Variants in REDIC1 observed in about 807,000 individuals in gnomAD.
The protein encoded by REDIC1 is HEI10 Interacting Protein 1.
At chr12:39,764,708 T>G in the REDIC1 span, 1 of 1,604,804 alleles carries the variant, frequency 6.2e-7, no homozygotes, top group Non-Finnish European at 8.5e-7. Context: ...ATTCAATTAA[T>G]GCAACAGTAT....
At chr12:39,898,990 C>A in the REDIC1 span, among the ~76,000 whole-genome samples, 1 of 152,108 alleles carries the variant, frequency 6.6e-6, no homozygotes, top group African/African-American at 2.4e-5. Context: ...ATGATGCTGG[C>A]CTCATAAAAT....
chr12:39,800,378 T>A, the REDIC1 span, among the ~76,000 whole-genome samples: 2 of 151,370 alleles, frequency 1.3e-5, no homozygotes, highest in Non-Finnish European at 2.9e-5. Context: ...GAATCTACAA[T>A]GAACTCAAAC....
At chr12:39,700,976 A>G in the REDIC1 span, among the ~76,000 whole-genome samples, 1 of 152,160 alleles carries the variant, frequency 6.6e-6, no homozygotes, top group Admixed American at 6.5e-5. Flanking sequence ...CAGCCACTGC[A>G]AAATCATGCC....
chr12:39,721,241 A>C, the REDIC1 span: 2 of 1,611,646 alleles, frequency 1.2e-6, no homozygotes, highest in Non-Finnish European at 1.7e-6. Flanking sequence ...GAAATCCATA[A>C]GAACAACTAA....
At chr12:39,726,876 T>C in the REDIC1 span, among the ~76,000 whole-genome samples, 11 of 152,260 alleles carry the variant, frequency 7.2e-5, no homozygotes, top group Admixed American at 1.3e-4. Context: ...CGAGATGGTA[T>C]CTCATTCTGG....
chr12:39,895,947 C>A, the REDIC1 span, among the ~76,000 whole-genome samples: 1 of 148,324 alleles, frequency 6.7e-6, no homozygotes, highest in Non-Finnish European at 1.5e-5. Context: ...TATATACATG[C>A]GTATATGTGT....
At chr12:39,770,584 A>G in the REDIC1 span, among the ~76,000 whole-genome samples, 32 of 152,284 alleles carry the variant, frequency 2.1e-4, no homozygotes, top group East Asian at 6.2e-3. Flanking sequence ...CGGGGAAAGA[A>G]CTGTATCATG....
the REDIC1 span, among the ~76,000 whole-genome samples, chr12:39,657,275 T>C: frequency 2.0e-5 from 3 of 152,242 alleles, no homozygotes; most frequent in Non-Finnish European, 4.4e-5. Flanking sequence ...GCAATTGTAC[T>C]GTAGGCAATA....
At chr12:39,828,770 G>A in the REDIC1 span, among the ~76,000 whole-genome samples, 1 of 151,584 alleles carries the variant, frequency 6.6e-6, no homozygotes, top group Non-Finnish European at 1.5e-5. Context: ...CTGTGAACAA[G>A]TACATCTAGA....
the REDIC1 span, chr12:39,716,667 T>G: frequency 1.1e-6 from 1 of 936,916 alleles, no homozygotes; most frequent in Non-Finnish European, 1.6e-6. Flanking sequence ...GCTAAATTTG[T>G]TTTACCAGCA....
the REDIC1 span, among the ~76,000 whole-genome samples, chr12:39,696,554 A>T: frequency 9.6e-5 from 12 of 125,302 alleles, no homozygotes; most frequent in Non-Finnish European, 2.0e-4. Context: ...AAAAAAAAAA[A>T]AAAAAAAAAA....
the REDIC1 span, among the ~76,000 whole-genome samples, chr12:39,768,022 T>A: frequency 6.6e-6 from 1 of 152,030 alleles, no homozygotes; most frequent in African/African-American, 2.4e-5. Context: ...GACTAATACA[T>A]CACCTTTATT....
At chr12:39,896,361 T>A in the REDIC1 span, among the ~76,000 whole-genome samples, 401 of 140,252 alleles carry the variant, frequency 2.9e-3, 6 homozygotes, top group Non-Finnish European at 5.0e-3. Flanking sequence ...TGTATATGTG[T>A]ATATATGTAT....
the REDIC1 span, among the ~76,000 whole-genome samples, chr12:39,906,307 C>T: frequency 6.6e-6 from 1 of 152,108 alleles, no homozygotes; most frequent in South Asian, 2.1e-4. Flanking sequence ...AATAACTAGA[C>T]AAGCTTGTAA....
At chr12:39,877,260 T>A in the REDIC1 span, among the ~76,000 whole-genome samples, 1 of 152,058 alleles carries the variant, frequency 6.6e-6, no homozygotes, top group Admixed American at 6.6e-5. Context: ...GGCCTCACAA[T>A]CATGGTGGAA....
chr12:39,837,868 T>C, the REDIC1 span, among the ~76,000 whole-genome samples: 729 of 151,232 alleles, frequency 4.8e-3, 9 homozygotes, highest in African/African-American at 0.016. Context: ...TGTGGAGAAA[T>C]AGAAACACTT....
the REDIC1 span, among the ~76,000 whole-genome samples, chr12:39,688,182 G>A: frequency 1.3e-5 from 2 of 151,322 alleles, no homozygotes; most frequent in African/African-American, 4.9e-5. Context: ...CATGGAACCT[G>A]TCTTTAAGAA....
At chr12:39,817,030 C>T in the REDIC1 span, among the ~76,000 whole-genome samples, 12 of 151,790 alleles carry the variant, frequency 7.9e-5, no homozygotes, top group South Asian at 2.5e-3. Context: ...CCACAAATGC[C>T]TTGAGGGAAA....
chr12:39,812,369 T>TTTCTTTTC, the REDIC1 span, among the ~76,000 whole-genome samples: 1 of 125,264 alleles, frequency 8.0e-6, no homozygotes, highest in Admixed American at 7.5e-5. Flanking sequence ...TTTCTTTTCT[T>TTTCTTTTC]TTCTTTTCTT....
Sources: gnomAD v4.1 joint callset for allele counts (sites outside exome capture counted in the v4.1 genomes callset) on GRCh38, gnomAD v4.1.1 for gene constraint, MANE v1.5 for transcripts, NCBI Gene and HGNC (gene_info 2026-07-23, HGNC 2026-07-21) for gene names.